The following NFATC2 variants were observed in gnomAD, a reference collection of about 807,000 sequenced individuals.
NFATC2 encodes the protein nuclear factor of activated T cells 2.
In NFATC2, 22 loss-of-function variants were observed where a neutral mutation model predicts 87.3. The ratio of observed to expected loss-of-function variants is 0.25; its 90% CI spans 0.18 to 0.36. The LOEUF (loss-of-function observed/expected upper bound fraction) is 0.36, where lower values mean the gene tolerates loss of function less well. Among genes scored for constraint, NFATC2 ranks in the 10% least tolerant of loss-of-function variants. The probability of loss-of-function intolerance (pLI) is 1.00; values close to 1 mark genes in which losing one functional copy is unlikely to be tolerated. For synonymous variants in NFATC2, 565 were observed against 542.2 expected, an observed-to-expected ratio of 1.04 and a Z score of -0.58; for missense variants, 1,149 against 1,259.1, an observed-to-expected ratio of 0.91 and a Z score of 1.32.
chr20:51,467,428 G>A (rs1174549150), intron 5 of NFATC2, among the ~76,000 whole-genome samples: 3 of 151,054 alleles, frequency 2.0e-5, no homozygotes, highest in Admixed American at 6.6e-5. Flanking sequence ...ATGGTGGTGG[G>A]CGCCTGTAAT....
At chr20:51,515,861 A>G (rs1414815431) in intron 3 of NFATC2, among the ~76,000 whole-genome samples, 2 of 152,190 alleles carry the variant, frequency 1.3e-5, no homozygotes, top group East Asian at 3.8e-4. Flanking sequence ...ATTTAGTTTC[A>G]GAATGCCCAA....
At chr20:51,461,722 C>T (rs143889124) in intron 5 of NFATC2, among the ~76,000 whole-genome samples, 168 of 152,348 alleles carry the variant, frequency 1.1e-3, no homozygotes, top group African/African-American at 3.8e-3. Context: ...ATCTGAAATT[C>T]GCCGTCAAGC....
At chr20:51,408,768 A>G (rs547361553) in intron 9 of NFATC2, among the ~76,000 whole-genome samples, 1 of 152,326 alleles carries the variant, frequency 6.6e-6, no homozygotes, top group East Asian at 1.9e-4. Flanking sequence ...TCTTTGTGAC[A>G]TCAAGGTAGA....
chr20:51,541,793 G>A (rs1008719048), intron 1 of NFATC2, among the ~76,000 whole-genome samples: 3 of 152,138 alleles, frequency 2.0e-5, no homozygotes, highest in African/African-American at 7.2e-5. Context: ...TCCAGCATCA[G>A]ACAGACAACC....
Position 51,523,231 on chromosome 20 carries a change from G to C in NFATC2, c.1010C>G (p.Ser337Cys), listed in dbSNP as rs1300694501. The change falls in exon 2 of 11, where the codon TCC (serine) becomes TGC (cysteine). Residue 337 changes from serine (S) to cysteine (C), a missense_variant. Transcript: ENST00000371564. The surrounding 1 kb of genome is among the most constrained non-coding windows in gnomAD (Gnocchi z 6.9). ...GATGTGGCGAGGCAGGCCGGCCTTG[G>C]ATGGGGCGGCAGACACCGGCGAGGG... is the stretch of plus-strand genomic sequence containing the variant. ...PDPSPVSAAPSKAGLPRHIYP... is the reference protein window; with the variant it reads ...PDPSPVSAAPCKAGLPRHIYP... The C allele has an allele frequency of 5.0e-6, 8 of 1,613,714 alleles. No homozygotes were observed. Among genetic ancestry groups the C allele is most frequent in the Non-Finnish European group, 6.8e-6 (8 of 1,179,784 alleles).
chr20:51,524,391 A>G lies in NFATC2; in HGVS notation c.131-281T>C, dbSNP rs2076508795. Among the ~76,000 whole-genome samples, 1 of 151,930 alleles carries G rather than the reference A, an allele frequency of 6.6e-6. No individual in the cohort carries two copies. Among genetic ancestry groups the G allele is most frequent in the Non-Finnish European group, 1.5e-5 (1 of 67,972 alleles). ...TAAATGAAACCCTTCGGAGAAGTGCACTTTATCTCACAACCCCATTCACGC... is the reference window on the plus strand; with the variant it reads ...TAAATGAAACCCTTCGGAGAAGTGCGCTTTATCTCACAACCCCATTCACGC... On this transcript the variant is annotated intron_variant, in intron 1 of 10. Transcript: ENST00000371564. This position sits in a 1 kb window ranked among gnomAD's most constrained non-coding sequence, Gnocchi z 4.0.
chr20:51,519,774 G>A (rs1251407353), intron 2 of NFATC2, among the ~76,000 whole-genome samples: 1 of 147,334 alleles, frequency 6.8e-6, no homozygotes, highest in Non-Finnish European at 1.5e-5. Context: ...AAAAAAGCCA[G>A]GTGTGGTGGC....
At chr20:51,535,787 G>A (rs1360820223) in intron 1 of NFATC2, among the ~76,000 whole-genome samples, 1 of 152,176 alleles carries the variant, frequency 6.6e-6, no homozygotes, top group Non-Finnish European at 1.5e-5. Flanking sequence ...TTGCAGGCAT[G>A]CCCAAGCAGG....
chr20:51,507,453 A>G (rs781269431), intron 3 of NFATC2, among the ~76,000 whole-genome samples: 8 of 152,360 alleles, frequency 5.3e-5, no homozygotes, highest in Non-Finnish European at 1.0e-4. Context: ...GTAGAGCTCA[A>G]AAGTGATCTA....
rs80024583 is a variant in NFATC2, at chr20:51,396,687, C to G, written c.*44+1956G>C. 9.6e-3 allele frequency among the ~76,000 whole-genome samples: 1,459 copies of G among 152,282 alleles called. 29 individuals are homozygous for G. Among genetic ancestry groups the G allele is most frequent in the African/African-American group, 0.034 (1,413 of 41,552 alleles). On this transcript the variant is annotated intron_variant, in intron 10 of 10. Coordinates refer to ENST00000371564, the MANE Select transcript of NFATC2 (RefSeq NM_012340.5). ...AAAGAATCTGAGAGCCAAGAGGGGG[C>G]CCAAGGCACCACCCCCCAGTCACTA...
At chr20:51,489,918 G>A (rs554684038) in intron 3 of NFATC2, among the ~76,000 whole-genome samples, 2 of 152,224 alleles carry the variant, frequency 1.3e-5, no homozygotes, top group African/African-American at 4.8e-5. Context: ...CAGGAATGAC[G>A]ATGGTCCTCA....
At chr20:51,423,702 C>G (rs1027818279) in intron 9 of NFATC2, among the ~76,000 whole-genome samples, 1 of 152,184 alleles carries the variant, frequency 6.6e-6, no homozygotes, top group Non-Finnish European at 1.5e-5. Context: ...CAGCAGATGA[C>G]TGGGAGCCCA....
intron 9 of NFATC2, among the ~76,000 whole-genome samples, chr20:51,422,977 A>G (rs1332457207): frequency 6.6e-6 from 1 of 151,460 alleles, no homozygotes; most frequent in Non-Finnish European, 1.5e-5. Context: ...TTAGAAAGTT[A>G]TGTAGATTTT....
intron 9 of NFATC2, among the ~76,000 whole-genome samples, chr20:51,407,103 G>C (rs1978444927): frequency 6.6e-6 from 1 of 152,210 alleles, no homozygotes; most frequent in Non-Finnish European, 1.5e-5. Flanking sequence ...GCTCTACCTG[G>C]ACTCCTGCTC....
At chr20:51,472,629 CTTTT>C (rs1223762055) in intron 5 of NFATC2, among the ~76,000 whole-genome samples, 10,363 of 92,408 alleles carry the variant, frequency 0.11, 202 homozygotes, top group Middle Eastern at 0.18. Flanking sequence ...CTTCTTTCTT[CTTTT>C]TTTTTTTTTT....
intron 9 of NFATC2, among the ~76,000 whole-genome samples, chr20:51,403,649 T>C (rs1317126807): frequency 6.6e-6 from 1 of 152,076 alleles, no homozygotes; most frequent in Non-Finnish European, 1.5e-5. Context: ...GTGATGGAAT[T>C]AGTGGCCTAA....
intron 1 of NFATC2, among the ~76,000 whole-genome samples, chr20:51,532,756 C>T (rs745915702): frequency 1.3e-5 from 2 of 152,156 alleles, no homozygotes; most frequent in South Asian, 2.1e-4. Context: ...GAACTGCAGG[C>T]GGGTGGAATT....
At chr20:51,493,332 G>A (rs536847385) in intron 3 of NFATC2, among the ~76,000 whole-genome samples, 262 of 152,306 alleles carry the variant, frequency 1.7e-3, no homozygotes, top group African/African-American at 5.5e-3. Flanking sequence ...CTCAGTAAAC[G>A]TTGGCCTTCA....
chr20:51,483,080 C>A (rs1278026425), intron 3 of NFATC2, among the ~76,000 whole-genome samples: 1 of 152,204 alleles, frequency 6.6e-6, no homozygotes, highest in Non-Finnish European at 1.5e-5. Context: ...CGCAACCCAG[C>A]CCCAGCCCTT....
Sources: gnomAD v4.1 joint callset for allele counts (sites outside exome capture counted in the v4.1 genomes callset) on GRCh38, gnomAD v4.1.1 for gene constraint, Gnocchi (gnomAD v3.1) non-coding constraint, MANE v1.5 for transcripts, NCBI Gene and HGNC (gene_info 2026-07-23, HGNC 2026-07-21) for gene names.